Variants in RARS2 observed in about 807,000 individuals in gnomAD.
RARS2 encodes the protein arginyl-tRNA synthetase 2, mitochondrial, also known as probable arginine--tRNA ligase, mitochondrial.
A neutral mutation model predicts 88.5 loss-of-function variants in RARS2; 67 were observed. That is an observed-to-expected ratio of 0.76 (90% CI 0.62 to 0.93). The LOEUF (loss-of-function observed/expected upper bound fraction) is 0.93. Ranked by LOEUF, RARS2 falls within the 40% of genes least tolerant of loss-of-function variation. The probability of loss-of-function intolerance (pLI) is 0.00; values close to 1 mark genes in which losing one functional copy is unlikely to be tolerated. For missense variants in RARS2, 664 were observed against 684.2 expected, an observed-to-expected ratio of 0.97 and a Z score of 0.33; for synonymous variants, 239 against 230.3, an observed-to-expected ratio of 1.04 and a Z score of -0.34.
chr6:87,573,554 T>A (rs1358576041), intron 1 of RARS2, among the ~76,000 whole-genome samples: 1 of 152,220 alleles, frequency 6.6e-6, no homozygotes, highest in African/African-American at 2.4e-5. Context: ...GTTTTAGTTG[T>A]GCAAGATGAA....
At chr6:87,584,387 C>T (rs1225415308) in intron 1 of RARS2, among the ~76,000 whole-genome samples, 1 of 152,142 alleles carries the variant, frequency 6.6e-6, no homozygotes, top group Non-Finnish European at 1.5e-5. Context: ...TGACATTAAG[C>T]ACTGTTATCT....
At chr6:87,530,736 A>G (rs1175820178) in intron 9 of RARS2, 48 bp downstream of exon 9, 2 of 1,592,088 alleles carry the variant, frequency 1.3e-6, no homozygotes, top group Non-Finnish European at 1.7e-6. Context: ...GTAACAGCCG[A>G]GAGCTGCACT....
chr6:87,567,711 A>C (rs1768337764), intron 2 of RARS2, among the ~76,000 whole-genome samples: 1 of 152,222 alleles, frequency 6.6e-6, no homozygotes, highest in African/African-American at 2.4e-5. Flanking sequence ...AGTAAACTTA[A>C]TATGAAGAAT....
chr6:87,568,998 C>T (rs1207245322), intron 2 of RARS2, among the ~76,000 whole-genome samples: 1 of 152,170 alleles, frequency 6.6e-6, no homozygotes, highest in African/African-American at 2.4e-5. Context: ...AGATACCTCT[C>T]TGTAACTGAG....
intron 1 of RARS2, among the ~76,000 whole-genome samples, chr6:87,585,549 T>C (rs1774887138): frequency 6.6e-6 from 1 of 151,966 alleles, no homozygotes. Context: ...GCTAACACGG[T>C]GAAACCCCGT....
At chr6:87,523,523 G>A (rs1295915559) in intron 11 of RARS2, among the ~76,000 whole-genome samples, 1 of 152,096 alleles carries the variant, frequency 6.6e-6, no homozygotes, top group African/African-American at 2.4e-5. Flanking sequence ...AAAGAAAAAA[G>A]AGAAAGTACA....
intron 5 of RARS2, among the ~76,000 whole-genome samples, chr6:87,553,476 T>G (rs1316092028): frequency 6.6e-6 from 1 of 152,236 alleles, no homozygotes; most frequent in Non-Finnish European, 1.5e-5. Flanking sequence ...TTTTGGGCCA[T>G]CTGATCTGTC....
chr6:87,567,874 C>T (rs576269009), intron 2 of RARS2, among the ~76,000 whole-genome samples: 160 of 152,212 alleles, frequency 1.1e-3, no homozygotes, highest in Non-Finnish European at 1.8e-3. Flanking sequence ...CCGGTTCAAG[C>T]GGTTCTCCTG....
At chr6:87,538,125 G>A (rs930064714) in intron 8 of RARS2, among the ~76,000 whole-genome samples, 1 of 152,116 alleles carries the variant, frequency 6.6e-6, no homozygotes, top group Non-Finnish European at 1.5e-5. Context: ...TATAAAATTT[G>A]CATATATAAT....
intron 1 of RARS2, among the ~76,000 whole-genome samples, chr6:87,581,150 C>G (rs778322216): frequency 6.6e-6 from 1 of 152,140 alleles, no homozygotes; most frequent in Non-Finnish European, 1.5e-5. Flanking sequence ...TAGATAGGTA[C>G]TAAATTCAGC....
chr6:87,575,371 G>A (rs1771162240), intron 1 of RARS2, among the ~76,000 whole-genome samples: 1 of 152,126 alleles, frequency 6.6e-6, no homozygotes, highest in African/African-American at 2.4e-5. Flanking sequence ...TGATGAGAGA[G>A]AGGGAAGGAA....
intron 1 of RARS2, among the ~76,000 whole-genome samples, chr6:87,588,769 C>CA (rs1235672959): frequency 6.6e-6 from 1 of 152,190 alleles, no homozygotes; most frequent in Non-Finnish European, 1.5e-5. Flanking sequence ...TGTATCAGAT[C>CA]AGAGTCCAAC....
At chr6:87,587,411 T>C (rs1775498814) in intron 1 of RARS2, among the ~76,000 whole-genome samples, 1 of 152,232 alleles carries the variant, frequency 6.6e-6, no homozygotes, top group Non-Finnish European at 1.5e-5. Flanking sequence ...TATCCTCAAG[T>C]TTCAGATCAT....
Position 87,575,048 on chromosome 6 carries a change from T to C in RARS2, c.37-5458A>G, listed in dbSNP as rs145906460. On this transcript the variant is annotated intron_variant, in intron 1 of 19. Coordinates refer to ENST00000369536, the MANE Select transcript of RARS2 (RefSeq NM_020320.5). ...ACAGGAAGGAAGGAAGGTAGACTGCTTCCCTAGCAACCAGTCATAAGGATA... is the reference window on the plus strand; with the variant it reads ...ACAGGAAGGAAGGAAGGTAGACTGCCTCCCTAGCAACCAGTCATAAGGATA... Among the ~76,000 whole-genome samples, 345 of 146,466 alleles carry C rather than the reference T, an allele frequency of 2.4e-3. 1 individual carries two copies. Among genetic ancestry groups the C allele is most frequent in the African/African-American group, 8.5e-3 (331 of 38,812 alleles).
intron 1 of RARS2, among the ~76,000 whole-genome samples, chr6:87,571,456 A>G (rs1769701907): frequency 6.6e-6 from 1 of 152,250 alleles, no homozygotes; most frequent in Non-Finnish European, 1.5e-5. Flanking sequence ...CCTTTCATTG[A>G]GAAATGCATA....
chr6:87,529,525 T>G lies in RARS2; in HGVS notation c.878+17A>C. 2.1e-6 allele frequency: 3 copies of G among 1,413,590 alleles called. No homozygotes were observed. Among genetic ancestry groups the G allele is most frequent in the Non-Finnish European group, 3.0e-6 (3 of 997,726 alleles). 87.6% of individuals were successfully genotyped at this position (1,413,590 alleles called of 1,614,324 possible). On this transcript the variant is annotated intron_variant, in intron 10 of 19. Coordinates refer to ENST00000369536, the MANE Select transcript of RARS2 (RefSeq NM_020320.5). ...AAGAACAAATAATTTTACTGAAGAA[T>G]AGTAACCTGATCATACATTGTTTTC...
At chr6:87,537,169 C>T (rs1779439859) in intron 8 of RARS2, among the ~76,000 whole-genome samples, 1 of 152,236 alleles carries the variant, frequency 6.6e-6, no homozygotes, top group African/African-American at 2.4e-5. Context: ...AAATCTGCTA[C>T]TGGATGGCCT....
chr6:87,589,904 G>T lies in RARS2; in HGVS notation c.36+18C>A. On this transcript the variant is annotated intron_variant, in intron 1 of 19. Transcript: ENST00000369536. Reference sequence around the variant, plus strand: ...CCTAGCTCCTCAGGGACTCCTCTGCGCGCTCCGGGATCCATACCTGGCAAG... The same window carrying T: ...CCTAGCTCCTCAGGGACTCCTCTGCTCGCTCCGGGATCCATACCTGGCAAG... The T allele has an allele frequency of 6.2e-7, 1 of 1,614,210 alleles. No homozygotes were observed. Among genetic ancestry groups the T allele is most frequent in the Non-Finnish European group, 8.5e-7 (1 of 1,180,034 alleles).
At chr6:87,555,100 AAAATAAAT>A (rs71018037) in intron 5 of RARS2, among the ~76,000 whole-genome samples, 5,145 of 139,558 alleles carry the variant, frequency 0.037, 119 homozygotes, top group Middle Eastern at 0.058. Flanking sequence ...CTCCGTCTCA[AAAATAAAT>A]AAATAAATAA....
Sources: allele counts gnomAD v4.1 joint callset (sites outside exome capture counted in the v4.1 genomes callset), GRCh38; gene constraint gnomAD v4.1.1; transcripts MANE v1.5; gene names NCBI Gene and HGNC (gene_info 2026-07-23, HGNC 2026-07-21).